TST: variants seen among roughly 807,000 people sequenced by gnomAD.
TST encodes the protein epididymis secretory sperm binding protein.
TST carries 22 observed loss-of-function variants against 20.4 expected under a neutral mutation model. The observed-to-expected ratio is 1.08, with a 90% CI of 0.77 to 1.54. The LOEUF (loss-of-function observed/expected upper bound fraction) is 1.54, where lower values mean the gene tolerates loss of function less well. Among genes scored for constraint, TST ranks in the 40% most tolerant of loss-of-function variants. The pLI, the probability that TST is intolerant of heterozygous loss-of-function variation, is 0.00. For synonymous variants in TST, 187 were observed against 173.8 expected (o/e 1.08, Z -0.60); for missense variants, 392 against 405.2 (o/e 0.97, Z 0.28).
upstream of TST, chr22:37,019,756 T>A: frequency 1.6e-6 from 1 of 606,194 alleles, no homozygotes; most frequent in Non-Finnish European, 2.4e-6. Flanking sequence ...CGGAGTCTCC[T>A]CCCTTTGGTC....
At chr22:37,016,402 G>C (rs974932356) in intron 2 of TST, among the ~76,000 whole-genome samples, 3 of 152,116 alleles carry the variant, frequency 2.0e-5, no homozygotes, top group African/African-American at 7.2e-5. Context: ...GTTCCCTGAT[G>C]CTCCTGAGGG....
chr22:37,014,110 C>A (rs988458004), intron 2 of TST, among the ~76,000 whole-genome samples: 1 of 152,140 alleles, frequency 6.6e-6, no homozygotes, highest in South Asian at 2.1e-4. Context: ...CGCCTGTAAT[C>A]CCAGTACTTT....
At chr22:37,016,682 G>A (rs1158370639) in intron 2 of TST, among the ~76,000 whole-genome samples, 2 of 152,128 alleles carry the variant, frequency 1.3e-5, no homozygotes, top group Non-Finnish European at 1.5e-5. Context: ...GAGGCGTCTT[G>A]AACCAAGGCC....
At chr22:37,019,673 C>A (rs1348488141), upstream of TST, 3 of 349,152 alleles carry the variant, frequency 8.6e-6, no homozygotes, top group South Asian at 1.5e-4. Context: ...GCGGAGCGGG[C>A]GTACCCCCAC....
At chr22:37,017,716 A>C (rs1044822465) in intron 2 of TST, among the ~76,000 whole-genome samples, 2 of 152,154 alleles carry the variant, frequency 1.3e-5, no homozygotes, top group Admixed American at 1.3e-4. Context: ...GATGTCTATA[A>C]GGGTTTCTGC....
upstream of TST, chr22:37,019,855 C>A (rs1922922067): frequency 1.6e-6 from 2 of 1,222,178 alleles, no homozygotes; most frequent in Admixed American, 4.2e-5. Context: ...GCCAGGAAGC[C>A]GGGAGTCCGA....
chr22:37,013,535 A>G (rs5756483), intron 2 of TST, among the ~76,000 whole-genome samples: 70,464 of 147,712 alleles, frequency 0.48, 16,548 homozygotes, highest in Middle Eastern at 0.56. Context: ...AGCCCAGGAG[A>G]CTGCAGTGAG....
At chr22:37,018,065 C>T in intron 2 of TST, 73 bp downstream of exon 2, 9 of 1,196,046 alleles carry the variant, frequency 7.5e-6, no homozygotes, top group Non-Finnish European at 1.0e-5. Flanking sequence ...TGGAGAGGGT[C>T]CCAGTCATCC....
intron 2 of TST, among the ~76,000 whole-genome samples, chr22:37,015,184 C>T (rs530765110): frequency 6.6e-6 from 1 of 152,346 alleles, no homozygotes; most frequent in African/African-American, 2.4e-5. Flanking sequence ...TCCCCACCCA[C>T]AAAGTGGGAC....
At chr22:37,018,907 A>T in intron 1 of TST, 154 bp from the exon 2 acceptor site, 2 of 537,422 alleles carry the variant, frequency 3.7e-6, no homozygotes, top group Non-Finnish European at 6.1e-6. Flanking sequence ...GTGCAGCGGG[A>T]TAAGTTTGCA....
chr22:37,014,090 G>A (rs112108614), intron 2 of TST, among the ~76,000 whole-genome samples: 7 of 80 alleles, frequency 0.087, no homozygotes, highest in East Asian at 0.33. Context: ...TTGGCCGGGC[G>A]CGGTGGCTAC....
chr22:37,020,153 C>T (rs1394070982), upstream of TST: 1 of 371,852 alleles, frequency 2.7e-6, no homozygotes, highest in Non-Finnish European at 4.8e-6. Flanking sequence ...GAGACGAGAC[C>T]CCGCTGACCC....
chr22:37,020,091 A>T, upstream of TST: 2 of 381,124 alleles, frequency 5.2e-6, no homozygotes, highest in Non-Finnish European at 9.3e-6. Flanking sequence ...CTTGGGTGGA[A>T]GTGGGTGACC....
chr22:37,016,021 G>A (rs959422056), intron 2 of TST, among the ~76,000 whole-genome samples: 1 of 137,024 alleles, frequency 7.3e-6, no homozygotes, highest in African/African-American at 2.8e-5. Context: ...TTGGCTCACT[G>A]CAACCTCCAC....
chr22:37,014,301 C>T (rs578154940), intron 2 of TST, among the ~76,000 whole-genome samples: 10 of 152,260 alleles, frequency 6.6e-5, no homozygotes, highest in African/African-American at 1.2e-4. Context: ...ACCCAGGAGG[C>T]GGAGCTTAAA....
chr22:37,017,689 C>T (rs1288582620), intron 2 of TST, among the ~76,000 whole-genome samples: 4 of 152,052 alleles, frequency 2.6e-5, no homozygotes, highest in South Asian at 2.1e-4. Flanking sequence ...GGGGATCCTG[C>T]GGGGAGGGAC....
chr22:37,013,057 A>AG lies in TST; in HGVS notation c.596-1733dup, dbSNP rs130600. Among the ~76,000 whole-genome samples, 24 of 151,944 alleles carry AG rather than the reference A, an allele frequency of 1.6e-4. No homozygotes were observed. In the South Asian group the frequency reaches 1.7e-3, roughly 11 times the overall value. On this transcript the variant is annotated intron_variant, in intron 2 of 2. Transcript: ENST00000249042. ...GACTCCGTCTCAAAGAAAAAAAAAA[A>AG]GTAAACCTCACCCACCTCACAGGTG...
At chr22:37,011,832 A>G (rs1922490406) in intron 2 of TST, among the ~76,000 whole-genome samples, 1 of 152,232 alleles carries the variant, frequency 6.6e-6, no homozygotes, top group Admixed American at 6.5e-5. Flanking sequence ...AGATAACCAC[A>G]TAACTAATCA....
In TST at chr22:37,011,213, C is replaced by T; in HGVS notation, c.708G>A (p.Lys236=). 6.2e-7 allele frequency: 1 copy of T among 1,613,964 alleles called. No homozygotes were observed. Among genetic ancestry groups the T allele is most frequent in the East Asian group, 2.2e-5 (1 of 44,874 alleles). Residue 236 remains lysine (K), a synonymous_variant, in exon 3 of 3, where the codon AAG becomes AAA. Transcript: ENST00000249042. ...PEELRALFQT[K]KVDLSQPLIA... is the part of the protein sequence containing the mutation. ...TGAGAGGCTGCGAGAGATCCACCTT[C>T]TTGGTCTGGAACAGAGCACGGAGCT... is the stretch of plus-strand genomic sequence containing the variant.
Sources: gnomAD v4.1 joint callset for allele counts (sites outside exome capture counted in the v4.1 genomes callset) on GRCh38, gnomAD v4.1.1 for gene constraint, MANE v1.5 for transcripts, NCBI Gene and HGNC (gene_info 2026-07-23, HGNC 2026-07-21) for gene names.